Variants in TUBB8 observed in about 807,000 individuals in gnomAD.
TUBB8 encodes tubulin beta-8 chain.
TUBB8 carries 25 observed loss-of-function variants against 33.7 expected under a neutral mutation model. The observed-to-expected ratio is 0.74, with a 90% CI of 0.54 to 1.04. TUBB8 has a LOEUF of 1.04. Ranked by LOEUF, TUBB8 falls within the 50% of genes least tolerant of loss-of-function variation. The pLI, the probability that TUBB8 is intolerant of heterozygous loss-of-function variation, is 0.00. For missense variants in TUBB8, 279 were observed against 608.0 expected (o/e 0.46, Z 5.69); for synonymous variants, 245 against 240.1 (o/e 1.02, Z -0.19).
chr10:62,869 T>C (rs1470233826), intron 1 of TUBB8, among the ~76,000 whole-genome samples: 5 of 152,170 alleles, frequency 3.3e-5, no homozygotes, highest in African/African-American at 1.2e-4. Context: ...TGTATTGGAG[T>C]TCCACTGAAT....
rs782473605 is a variant in TUBB8, at chr10:48,682, C to T, written c.210G>A (p.Pro70=). ...VPRAVLVDLE[P]GTMDSVRSGP... Reference sequence around the variant, plus strand: ...CCGAGCGCACAGAGTCCATGGTGCCCGGCTCCAGATCCACGAGCACAGCGC... The same window carrying T: ...CCGAGCGCACAGAGTCCATGGTGCCTGGCTCCAGATCCACGAGCACAGCGC... The change falls in exon 3 of 4, where the codon CCG becomes CCA. Residue 70 remains proline (P), a synonymous_variant. Coordinates refer to ENST00000568584, the MANE Select transcript of TUBB8 (RefSeq NM_177987.3). The T allele has an allele frequency of 9.3e-6, 15 of 1,612,036 alleles. No homozygotes were observed. The Admixed American group carries it at 1.2e-4, about 13-fold the overall frequency.
chr10:57,742 G>A (rs1469964368), intron 1 of TUBB8, among the ~76,000 whole-genome samples: 8 of 152,186 alleles, frequency 5.3e-5, no homozygotes, highest in African/African-American at 1.4e-4. Context: ...GGTCTGTGAT[G>A]GGGGGCTGCC....
rs1209895550 is a variant in TUBB8, at chr10:72,937, T to C, written c.-846+1032A>G. 2.0e-5 allele frequency among the ~76,000 whole-genome samples: 3 copies of C among 151,750 alleles called. No homozygotes were observed. In the East Asian group the frequency reaches 5.8e-4, roughly 29 times the overall value. On this transcript the variant is annotated intron_variant, in intron 1 of 3. Transcript: ENST00000564130. The stretch of plus-strand genomic sequence containing the variant: ...GTTTACAGCTCAGTATTAAATAACC[T>C]TAACGAAATCTGATTTTATTTAAAA...
At chr10:76,077 T>G (rs1166370546), upstream of TUBB8, among the ~76,000 whole-genome samples, 2 of 145,098 alleles carry the variant, frequency 1.4e-5, no homozygotes, top group Non-Finnish European at 3.0e-5. Flanking sequence ...AGGCGGAGGT[T>G]GCAGTGAGCC....
chr10:49,264 G>T lies in TUBB8; in HGVS notation c.-26C>A. 3.8e-6 allele frequency: 6 copies of T among 1,573,500 alleles called. No homozygotes were observed. Among genetic ancestry groups the T allele is most frequent in the Middle Eastern group, 2.1e-4 (1 of 4,692 alleles). ...GGCCAAGGCGGGATTAGGACGGCAG[G>T]AGAAACGTGAGAAGGAGGAGCAGAC... On this transcript the variant is annotated 5_prime_UTR_variant, in exon 1 of 4. Transcript: ENST00000568584.
chr10:65,737 AAAT>A (rs879949045), intron 1 of TUBB8, among the ~76,000 whole-genome samples: 11 of 152,206 alleles, frequency 7.2e-5, no homozygotes, highest in East Asian at 1.9e-4. Flanking sequence ...AAAAAATTAA[AAAT>A]AATAATAATA....
chr10:49,033 C>T (rs1387637368), intron 1 of TUBB8, 121 bp from the exon 2 acceptor site: 13 of 1,246,320 alleles, frequency 1.0e-5, no homozygotes, highest in Non-Finnish European at 2.2e-6. Context: ...CTGGGGTCCA[C>T]CCCGGCCGCC....
Position 49,178 on chromosome 10 carries a change from C to G in TUBB8, c.57+4G>C, listed in dbSNP as rs782355581. On this transcript the variant is annotated splice_donor_region_variant and intron_variant, in intron 1 of 3. Transcript: ENST00000568584. The stretch of plus-strand genomic sequence containing the variant: ...GCTAGGCCCTCAGAGCCCCGGCTGC[C>G]AACCTTGGCGCCGATCTGATTCCCG... 3.5e-5 allele frequency: 55 copies of G among 1,570,312 alleles called. No individual in the cohort carries two copies. Among genetic ancestry groups the G allele is most frequent in the Non-Finnish European group, 4.7e-5 (54 of 1,158,774 alleles).
chr10:62,093 A>G (rs1417094354), intron 1 of TUBB8, among the ~76,000 whole-genome samples: 4 of 152,070 alleles, frequency 2.6e-5, no homozygotes, highest in African/African-American at 9.7e-5. Flanking sequence ...ATGTACATTC[A>G]ATGTTATTAT....
At chr10:67,133 AGTT>A (rs1186421493) in intron 1 of TUBB8, among the ~76,000 whole-genome samples, 10 of 140,746 alleles carry the variant, frequency 7.1e-5, no homozygotes, top group African/African-American at 2.4e-4. Context: ...TGAGCCTCTG[AGTT>A]GTTTTGTTTT....
chr10:76,203 C>A (rs1258003950), upstream of TUBB8, among the ~76,000 whole-genome samples: 1 of 151,474 alleles, frequency 6.6e-6, no homozygotes, highest in Non-Finnish European at 1.5e-5. Context: ...CGGCCTCAGG[C>A]TGTGGCCCCT....
chr10:64,945 T>TTGA (rs1834650216), intron 1 of TUBB8, among the ~76,000 whole-genome samples: 1 of 140,944 alleles, frequency 7.1e-6, no homozygotes, highest in Admixed American at 7.5e-5. Context: ...GAGACCAGCC[T>TTGA]GGTCAACATG....
upstream of TUBB8, among the ~76,000 whole-genome samples, chr10:75,634 G>A (rs1554743072): frequency 8.0e-6 from 1 of 124,640 alleles, no homozygotes; most frequent in Non-Finnish European, 1.6e-5. Flanking sequence ...CAGCCTGGGT[G>A]ACAGAGCAAG....
chr10:51,554 C>T (rs1475325544), upstream of TUBB8, among the ~76,000 whole-genome samples: 1 of 152,204 alleles, frequency 6.6e-6, no homozygotes, highest in East Asian at 1.9e-4. Context: ...TACCCAGCCT[C>T]AGATATGTCT....
At chr10:72,026 G>C (rs1273346200) in intron 1 of TUBB8, among the ~76,000 whole-genome samples, 1 of 152,084 alleles carries the variant, frequency 6.6e-6, no homozygotes, top group African/African-American at 2.4e-5. Flanking sequence ...AGGAATTAGA[G>C]ATAAGCCTGA....
At position 47,767 on chromosome 10, in the gene TUBB8, C is replaced by T; in HGVS notation, c.625G>A (p.Asp209Asn). Residue 209 changes from aspartate (D) to asparagine (N), a missense_variant, in exon 4 of 4, where the codon GAC becomes AAC. By Grantham distance (23) the Asp-to-Asn change is conservative. Transcript: ENST00000568584. ...TFCIDNEALYDICSKTLKLPT... is the reference protein window; with the variant it reads ...TFCIDNEALYNICSKTLKLPT... ...AGTTTTAGGGTCTTGGAACATATGT[C>T]ATACAGAGCTTCGTTATCTATGCAA... 6.2e-7 allele frequency: 1 copy of T among 1,613,970 alleles called. No individual in the cohort carries two copies. The highest frequency in any genetic ancestry group is 8.5e-7 in the Non-Finnish European group (1 of 1,180,000).
upstream of TUBB8, among the ~76,000 whole-genome samples, chr10:51,891 C>T (rs1298906988): frequency 4.2e-4 from 63 of 151,636 alleles, no homozygotes; most frequent in Admixed American, 1.2e-3. Flanking sequence ...GTCAGAGGAT[C>T]GCTAAGGAAA....
At chr10:54,938 A>G (rs1554739994) in intron 1 of TUBB8, among the ~76,000 whole-genome samples, 1 of 152,172 alleles carries the variant, frequency 6.6e-6, no homozygotes, top group East Asian at 1.9e-4. Flanking sequence ...TTGTATTTTT[A>G]GTAGAGACGG....
upstream of TUBB8, among the ~76,000 whole-genome samples, chr10:51,668 C>A (rs1281365462): frequency 6.6e-6 from 1 of 152,098 alleles, no homozygotes; most frequent in South Asian, 2.1e-4. Context: ...GCTTGGCAGG[C>A]TTTAAGGGTT....
Sources: allele counts gnomAD v4.1 joint callset (sites outside exome capture counted in the v4.1 genomes callset), GRCh38; gene constraint gnomAD v4.1.1; transcripts MANE v1.5; gene names NCBI Gene and HGNC (gene_info 2026-07-23, HGNC 2026-07-21).